Variants in CNTN5 observed in about 807,000 individuals in gnomAD.
CNTN5 encodes contactin-5.
Under a neutral mutation model 129.1 loss-of-function variants are expected in CNTN5, and 77 were observed. The ratio of observed to expected loss-of-function variants is 0.60; its 90% CI spans 0.50 to 0.72. CNTN5 has a LOEUF of 0.72. Ranked by LOEUF, CNTN5 falls within the 30% of genes least tolerant of loss-of-function variation. The pLI is 0.00. For missense variants in CNTN5, 1,478 were observed against 1,328.8 expected (o/e 1.11, Z -1.75); for synonymous variants, 509 against 465.6 (o/e 1.09, Z -1.20).
chr11:99,780,750 T>C (rs1466189936), intron 3 of CNTN5, among the ~76,000 whole-genome samples: 1 of 152,112 alleles, frequency 6.6e-6, no homozygotes, highest in Non-Finnish European at 1.5e-5. Flanking sequence ...CTTTATAAAA[T>C]TGTGTGGTTT....
chr11:99,537,536 T>G (rs543587920), intron 2 of CNTN5, among the ~76,000 whole-genome samples: 1 of 152,116 alleles, frequency 6.6e-6, no homozygotes, highest in Non-Finnish European at 1.5e-5. Flanking sequence ...TTCTTATAAC[T>G]AAGCACCCTT....
intron 3 of CNTN5, among the ~76,000 whole-genome samples, chr11:99,576,062 CAGG>C (rs1442935992): frequency 2.6e-5 from 4 of 152,122 alleles, no homozygotes; most frequent in African/African-American, 4.8e-5. Context: ...AAGGATTTTT[CAGG>C]AGAAGAGAAG....
At chr11:100,192,101 A>G (rs73562463) in intron 14 of CNTN5, among the ~76,000 whole-genome samples, 3,617 of 152,210 alleles carry the variant, frequency 0.024, 137 homozygotes, top group African/African-American at 0.082. Context: ...TCAAGAAAGA[A>G]AAGAACAAAA....
At chr11:99,445,805 C>T (rs116434349) in intron 2 of CNTN5, among the ~76,000 whole-genome samples, 66 of 152,014 alleles carry the variant, frequency 4.3e-4, no homozygotes, top group African/African-American at 1.3e-3. Context: ...TCCTTAGGGC[C>T]GGGCGCGGTG....
intron 21 of CNTN5, among the ~76,000 whole-genome samples, chr11:100,326,758 A>T (rs1951796259): frequency 1.3e-5 from 2 of 152,228 alleles, no homozygotes; most frequent in African/African-American, 2.4e-5. Flanking sequence ...GATGTGAGAG[A>T]GAGTGACTAA....
At chr11:99,498,057 G>A (rs2135373360) in intron 2 of CNTN5, among the ~76,000 whole-genome samples, 1 of 152,184 alleles carries the variant, frequency 6.6e-6, no homozygotes. Context: ...TTTTATACAT[G>A]CTGCCAAGTA....
Position 100,193,568 on chromosome 11 carries a change from C to T in CNTN5, c.1789C>T (p.His597Tyr). The T allele has an allele frequency of 6.2e-7, 1 of 1,611,084 alleles. No individual in the cohort carries two copies. Among genetic ancestry groups the T allele is most frequent in the Non-Finnish European group, 8.5e-7 (1 of 1,178,058 alleles). ...CATTGTCCTTAATTGCAAAGCAATT[C>T]ACGATGCTAGTTTGGATGTCACTTT... is the stretch of plus-strand genomic sequence containing the variant. Reference protein sequence around the residue: ...ESIVLNCKAIHDASLDVTFYW... With the variant: ...ESIVLNCKAIYDASLDVTFYW... The change falls in exon 15 of 25, where the codon CAC becomes TAC. Residue 597 changes from histidine (H) to tyrosine (Y), a missense_variant. By Grantham distance (83) the His-to-Tyr change is moderately conservative. Transcript: ENST00000524871.
intron 1 of CNTN5, among the ~76,000 whole-genome samples, chr11:99,115,195 G>A (rs1857984812): frequency 6.6e-6 from 1 of 152,096 alleles, no homozygotes; most frequent in Non-Finnish European, 1.5e-5. Context: ...CCTGAATGAA[G>A]TAAGAAAGAC....
At position 99,135,623 on chromosome 11, in the gene CNTN5, T is replaced by C. The variant is rs543776924; in HGVS notation, c.-210+114353T>C. 5.4e-4 allele frequency among the ~76,000 whole-genome samples: 55 copies of C among 102,028 alleles called. 1 individual carries two copies. The South Asian group carries it at 0.02, about 36-fold the overall frequency. The allele number at this position is 102,028 out of a possible 152,430, so 66.9% of individuals were successfully genotyped here. On this transcript the variant is annotated intron_variant, in intron 1 of 24. Transcript: ENST00000524871. ...AGATCTACCTTGCATAATGCCTTCT[T>C]TGATTGTCATAAAGTTTCTTTTTTC...
intron 3 of CNTN5, among the ~76,000 whole-genome samples, chr11:99,612,368 T>C (rs963248939): frequency 1.3e-5 from 2 of 152,200 alleles, no homozygotes; most frequent in African/African-American, 4.8e-5. Flanking sequence ...CTAAGGATTA[T>C]TCTCTTAATC....
rs1865016556 is a variant in CNTN5, at chr11:99,309,504, G to T, written c.-209-15842G>T. 2.0e-5 allele frequency among the ~76,000 whole-genome samples: 3 copies of T among 152,222 alleles called. No homozygotes were observed. The South Asian group carries it at 6.2e-4, about 31-fold the overall frequency. ...ACTTGCTTTCTGCCTCCCAGCAGCT[G>T]CTGCCTTGTGAACTTCCATAGTCTT... On this transcript the variant is annotated intron_variant, in intron 1 of 24. Transcript: ENST00000524871.
intron 3 of CNTN5, among the ~76,000 whole-genome samples, chr11:99,707,046 T>C (rs1954786295): frequency 6.6e-6 from 1 of 151,396 alleles, no homozygotes; most frequent in South Asian, 2.1e-4. Flanking sequence ...TTAATAGCCA[T>C]GTGGGTGAGA....
Position 99,990,447 on chromosome 11 carries a change from T to TACACACACACAC in CNTN5, c.878-11586_878-11585insCACACACACACA, listed in dbSNP as rs774953191. Among the ~76,000 whole-genome samples the TACACACACACAC allele has an allele frequency of 5.5e-3, 426 of 77,006 alleles. 3 individuals carry two copies. Among genetic ancestry groups the TACACACACACAC allele is most frequent in the African/African-American group, 0.018 (401 of 22,266 alleles). 50.5% of individuals were successfully genotyped at this position (77,006 alleles called of 152,430 possible). On this transcript the variant is annotated intron_variant, in intron 8 of 24. Transcript: ENST00000524871. ...ATTGGCTTCCCTTATTTTTAGAATA[T>TACACACACACAC]ATATATATACACACACACACACACA...
chr11:99,652,076 C>T (rs1447951955), intron 3 of CNTN5, among the ~76,000 whole-genome samples: 2 of 152,056 alleles, frequency 1.3e-5, no homozygotes, highest in Non-Finnish European at 2.9e-5. Flanking sequence ...GAGCATCTCA[C>T]AAGACTAAAA....
chr11:100,215,865 T>C (rs1195207437), intron 15 of CNTN5, among the ~76,000 whole-genome samples: 1 of 152,084 alleles, frequency 6.6e-6, no homozygotes, highest in Non-Finnish European at 1.5e-5. Flanking sequence ...CATTAATCAA[T>C]GAGAGGAGGA....
intron 3 of CNTN5, among the ~76,000 whole-genome samples, chr11:99,656,450 A>G (rs770727569): frequency 2.0e-5 from 3 of 152,156 alleles, no homozygotes; most frequent in Non-Finnish European, 4.4e-5. Context: ...GCAAAGCGCC[A>G]GGCGTAAGAG....
intron 1 of CNTN5, among the ~76,000 whole-genome samples, chr11:99,158,652 G>A (rs1860451884): frequency 6.6e-6 from 1 of 152,000 alleles, no homozygotes; most frequent in African/African-American, 2.4e-5. Flanking sequence ...ACATCATTGG[G>A]CAATAGGAGA....
At chr11:99,323,602 A>G (rs1865661017) in intron 1 of CNTN5, among the ~76,000 whole-genome samples, 1 of 152,130 alleles carries the variant, frequency 6.6e-6, no homozygotes, top group South Asian at 2.1e-4. Flanking sequence ...AAAATGATGC[A>G]CTGTATAATT....
chr11:100,152,796 C>T (rs1350637063), intron 13 of CNTN5, among the ~76,000 whole-genome samples: 1 of 151,912 alleles, frequency 6.6e-6, no homozygotes, highest in Non-Finnish European at 1.5e-5. Context: ...ATCTATAATA[C>T]AAAATGCTTC....
Sources: gnomAD v4.1 joint callset for allele counts (sites outside exome capture counted in the v4.1 genomes callset) on GRCh38, gnomAD v4.1.1 for gene constraint, MANE v1.5 for transcripts, NCBI Gene and HGNC (gene_info 2026-07-23, HGNC 2026-07-21) for gene names.